The following RAD18 variants were observed in gnomAD, a reference collection of about 807,000 sequenced individuals.
The protein encoded by RAD18 is E3 ubiquitin-protein ligase RAD18.
RAD18 carries 47 observed loss-of-function variants against 60.4 expected under a neutral mutation model. The observed-to-expected ratio is 0.78, with a 90% CI of 0.62 to 0.99. The LOEUF (loss-of-function observed/expected upper bound fraction) is 0.99, where lower values mean the gene tolerates loss of function less well. RAD18 is among the 50% of genes least tolerant of loss of function. The pLI, the probability that RAD18 is intolerant of heterozygous loss-of-function variation, is 0.00. For missense variants in RAD18, 640 were observed against 593.3 expected, an observed-to-expected ratio of 1.08 and a Z score of -0.82; for synonymous variants, 225 against 195.5, an observed-to-expected ratio of 1.15 and a Z score of -1.26.
intron 12 of RAD18, chr3:8,890,150 G>C: frequency 2.0e-6 from 1 of 508,936 alleles, no homozygotes; most frequent in Non-Finnish European, 3.5e-6. Context: ...TTGCCCATAA[G>C]AACAATTTAT....
At chr3:8,925,408 G>T (rs1267292944) in intron 7 of RAD18, among the ~76,000 whole-genome samples, 1 of 152,128 alleles carries the variant, frequency 6.6e-6, no homozygotes, top group African/African-American at 2.4e-5. Flanking sequence ...CTGAAATTGA[G>T]GCAATAATTA....
chr3:8,897,324 G>A (rs1358219651), intron 11 of RAD18, among the ~76,000 whole-genome samples: 2 of 152,100 alleles, frequency 1.3e-5, no homozygotes, highest in East Asian at 1.9e-4. Flanking sequence ...AACCCCACAA[G>A]GAAAAATGAA....
At chr3:8,937,320 C>A (rs965510891) in intron 6 of RAD18, among the ~76,000 whole-genome samples, 3 of 152,138 alleles carry the variant, frequency 2.0e-5, no homozygotes, top group African/African-American at 7.2e-5. Context: ...GTACTGTTCA[C>A]TGGCATTTAC....
At chr3:8,919,528 C>A (rs1412235187) in intron 7 of RAD18, among the ~76,000 whole-genome samples, 1 of 152,090 alleles carries the variant, frequency 6.6e-6, no homozygotes, top group Non-Finnish European at 1.5e-5. Flanking sequence ...TTTTGAGAGC[C>A]TTGAAACATG....
chr3:8,926,794 A>C (rs1940446479), intron 7 of RAD18, among the ~76,000 whole-genome samples: 1 of 152,220 alleles, frequency 6.6e-6, no homozygotes. Context: ...ACCTGACAAA[A>C]ACAAGAAATG....
chr3:8,933,588 TA>T (rs1940597726), intron 7 of RAD18, among the ~76,000 whole-genome samples: 1 of 152,148 alleles, frequency 6.6e-6, no homozygotes, highest in Non-Finnish European at 1.5e-5. Flanking sequence ...CATTTTAGAA[TA>T]AAACATCGTG....
At chr3:8,933,726 T>C (rs932646317) in intron 7 of RAD18, among the ~76,000 whole-genome samples, 1 of 152,150 alleles carries the variant, frequency 6.6e-6, no homozygotes, top group Non-Finnish European at 1.5e-5. Context: ...TATTCATGAA[T>C]TGGAAGACTC....
rs1467466881 is a variant in RAD18, at chr3:8,888,557, A to G, written c.1385+1832T>C. Among the ~76,000 whole-genome samples the G allele has an allele frequency of 2.0e-5, 3 of 152,364 alleles. 1 individual carries two copies. The East Asian group carries it at 5.8e-4, about 29-fold the overall frequency. On this transcript the variant is annotated intron_variant, in intron 12 of 12. Transcript: ENST00000264926. ...GAACTGCAACATTTTGTTGAAAAGT[A>G]AAGCTCTGGAGGCTTTTCCTGATTC...
intron 12 of RAD18, among the ~76,000 whole-genome samples, chr3:8,882,731 TA>T (rs984626653): frequency 2.0e-5 from 3 of 152,122 alleles, no homozygotes; most frequent in African/African-American, 7.2e-5. Context: ...GCCCCAACAC[TA>T]AGCAGAAGTC....
chr3:8,916,349 C>T (rs1940199789), intron 7 of RAD18, among the ~76,000 whole-genome samples: 1 of 152,126 alleles, frequency 6.6e-6, no homozygotes, highest in Non-Finnish European at 1.5e-5. Context: ...TGCCACAAAC[C>T]TAGCATGATC....
In RAD18 at chr3:8,880,616, T is replaced by C. The variant is rs1233060513; in HGVS notation, c.*741A>G. 3 of 152,224 alleles carry C rather than the reference T, an allele frequency of 2.0e-5. No homozygotes were observed. Among genetic ancestry groups the C allele is most frequent in the Admixed American group, 1.3e-4 (2 of 15,278 alleles). The allele number at this position is 152,224 out of a possible 1,614,324, so 9.4% of individuals were successfully genotyped here. On this transcript the variant is annotated 3_prime_UTR_variant, in exon 13 of 13. Coordinates refer to ENST00000264926, the MANE Select transcript of RAD18 (RefSeq NM_020165.4). ...CATTCATTGCATACTTTTTGTTTAA[T>C]AGCTTGGATTCAGTGTTACAGATTT...
In RAD18 at chr3:8,936,000, G is replaced by A. The variant is rs775651620; in HGVS notation, c.760C>T (p.Arg254Cys). The change falls in exon 7 of 13, where the codon CGT (arginine) becomes TGT (cysteine). Residue 254 changes from arginine (R) to cysteine (C), a missense_variant. By Grantham distance (180) the Arg-to-Cys change is radical (BLOSUM62 -3). Coordinates refer to ENST00000264926, the MANE Select transcript of RAD18 (RefSeq NM_020165.4). ...TCTTTTAGCTTTTTCTTTAAATCACGATCAGAGAGCAAATTATATACAGTT... is the reference window on the plus strand; with the variant it reads ...TCTTTTAGCTTTTTCTTTAAATCACAATCAGAGAGCAAATTATATACAGTT... ...PKTVYNLLSD[R>C]DLKKKLKEHG... 5.0e-6 allele frequency: 8 copies of A among 1,609,270 alleles called. No individual in the cohort carries two copies. The highest frequency in any genetic ancestry group is 2.2e-5 in the East Asian group (1 of 44,730).
intron 12 of RAD18, among the ~76,000 whole-genome samples, chr3:8,888,124 C>T (rs1430086010): frequency 2.0e-5 from 3 of 152,200 alleles, no homozygotes; most frequent in African/African-American, 7.2e-5. Context: ...GGGTTCTAGC[C>T]TAAAGCACTT....
intron 1 of RAD18, among the ~76,000 whole-genome samples, chr3:8,959,603 G>A (rs1404992729): frequency 6.6e-6 from 1 of 152,232 alleles, no homozygotes; most frequent in Non-Finnish European, 1.5e-5. Context: ...AGCCTGGAAA[G>A]AGCTGGGGCA....
chr3:8,896,971 T>C (rs1939797600), intron 11 of RAD18, among the ~76,000 whole-genome samples: 1 of 152,084 alleles, frequency 6.6e-6, no homozygotes, highest in Admixed American at 6.6e-5. Context: ...AATAAGAACA[T>C]TAGGTTAGTT....
In RAD18 at chr3:8,881,472, A is replaced by G; in HGVS notation, c.1386-13T>C. On this transcript the variant is annotated splice_polypyrimidine_tract_variant and intron_variant, in intron 12 of 12. Transcript: ENST00000264926. Reference sequence around the variant, plus strand: ...TTGAAGATCGTTTCTGAAGACAGAAAAAGGAAATGACATCTTGGAAAGTAA... The same window carrying G: ...TTGAAGATCGTTTCTGAAGACAGAAGAAGGAAATGACATCTTGGAAAGTAA... 2 of 1,559,838 alleles carry G rather than the reference A, an allele frequency of 1.3e-6. No homozygotes were observed. Among genetic ancestry groups the G allele is most frequent in the African/African-American group, 1.4e-5 (1 of 73,694 alleles).
At chr3:8,944,875 A>C (rs752657079) in intron 4 of RAD18, among the ~76,000 whole-genome samples, 6 of 152,216 alleles carry the variant, frequency 3.9e-5, no homozygotes, top group African/African-American at 4.8e-5. Context: ...TGTAAACAGC[A>C]GTCTAGAACC....
intron 11 of RAD18, among the ~76,000 whole-genome samples, chr3:8,894,548 G>T (rs1034345469): frequency 1.3e-5 from 2 of 152,024 alleles, no homozygotes; most frequent in East Asian, 1.9e-4. Flanking sequence ...CATGTGCCAG[G>T]CACCTTTCCA....
At chr3:8,927,286 G>A (rs1462322010) in intron 7 of RAD18, among the ~76,000 whole-genome samples, 1 of 152,242 alleles carries the variant, frequency 6.6e-6, no homozygotes, top group Non-Finnish European at 1.5e-5. Context: ...AGACATTTAT[G>A]CAGCCAAAAG....
Sources: gnomAD v4.1 joint callset for allele counts (sites outside exome capture counted in the v4.1 genomes callset) on GRCh38, gnomAD v4.1.1 for gene constraint, MANE v1.5 for transcripts, NCBI Gene and HGNC (gene_info 2026-07-23, HGNC 2026-07-21) for gene names.